Variants in LARGE1 observed in about 807,000 individuals in gnomAD.
LARGE1 encodes LARGE xylosyl- and glucuronyltransferase 1.
LARGE1 carries 43 observed loss-of-function variants against 87.6 expected under a neutral mutation model. That is an observed-to-expected ratio of 0.49 (90% CI 0.38 to 0.63). LARGE1 has a LOEUF of 0.63. LARGE1 is among the 30% of genes least tolerant of loss of function. The probability of loss-of-function intolerance (pLI) is 0.00; values close to 1 mark genes in which losing one functional copy is unlikely to be tolerated. For missense variants in LARGE1, 802 were observed against 1,000.2 expected (o/e 0.80, Z 2.67); for synonymous variants, 434 against 394.6 (o/e 1.10, Z -1.18).
intron 12 of LARGE1, among the ~76,000 whole-genome samples, chr22:33,288,888 G>T (rs1932025148): frequency 6.6e-6 from 1 of 152,104 alleles, no homozygotes; most frequent in African/African-American, 2.4e-5. Context: ...TGTTGCCCTT[G>T]TCTTGTCCAA....
chr22:33,102,926 C>G, the LARGE1 span, among the ~76,000 whole-genome samples: 1 of 152,102 alleles, frequency 6.6e-6, no homozygotes, highest in Non-Finnish European at 1.5e-5. Context: ...AAGGGAGAGT[C>G]AGAAACAGAC....
intron 2 of LARGE1, among the ~76,000 whole-genome samples, chr22:33,734,794 C>T (rs146065807): frequency 2.0e-5 from 3 of 152,156 alleles, no homozygotes; most frequent in East Asian, 3.9e-4. Flanking sequence ...CTGGGAGAGT[C>T]GGTGGTCACG....
Position 33,272,953 on chromosome 22 carries a change from G to C in LARGE1, c.*1474C>G, listed in dbSNP as rs1350345602. 2 of 154,384 alleles carry C rather than the reference G, an allele frequency of 1.3e-5. No homozygotes were observed. Among genetic ancestry groups the C allele is most frequent in the South Asian group, 4.1e-4 (2 of 4,836 alleles). The allele number at this position is 154,384 out of a possible 1,614,324, so 9.6% of individuals were successfully genotyped here. ...GCAAAAGGGGAAAAAAAAGGCTAAAGTTCAAATGATGAGAAAAATAGAATG... is the reference window on the plus strand; with the variant it reads ...GCAAAAGGGGAAAAAAAAGGCTAAACTTCAAATGATGAGAAAAATAGAATG... On this transcript the variant is annotated 3_prime_UTR_variant, in exon 15 of 15. Coordinates refer to ENST00000397394, the MANE Select transcript of LARGE1 (RefSeq NM_133642.5).
In LARGE1 at chr22:33,743,669, T is replaced by C. The variant is rs189980367; in HGVS notation, c.106+17702A>G. 4.7e-4 allele frequency among the ~76,000 whole-genome samples: 72 copies of C among 152,340 alleles called. 2 individuals are homozygous for C. Among genetic ancestry groups the C allele is most frequent in the Admixed American group, 3.1e-3 (48 of 15,302 alleles). ...CTCTATATAGAAGCCAGGCTTATTA[T>C]TGCTCTTCGATCTGACCTCCACCAC... is the stretch of plus-strand genomic sequence containing the variant. On this transcript the variant is annotated intron_variant, in intron 2 of 14. Coordinates refer to ENST00000397394, the MANE Select transcript of LARGE1 (RefSeq NM_133642.5).
intron 2 of LARGE1, among the ~76,000 whole-genome samples, chr22:33,693,483 T>C (rs759332424): frequency 2.0e-5 from 3 of 151,968 alleles, no homozygotes; most frequent in Non-Finnish European, 2.9e-5. Flanking sequence ...TTGTGTTATA[T>C]ATAATTTACC....
chr22:33,775,337 T>C (rs748292168), intron 1 of LARGE1, among the ~76,000 whole-genome samples: 2 of 152,204 alleles, frequency 1.3e-5, no homozygotes, highest in Non-Finnish European at 2.9e-5. Context: ...TACCCTGGCA[T>C]GGTCCAAATC....
At chr22:33,786,333 C>T (rs894956719) in intron 1 of LARGE1, among the ~76,000 whole-genome samples, 5 of 152,192 alleles carry the variant, frequency 3.3e-5, no homozygotes, top group African/African-American at 1.2e-4. Context: ...CAAATTGCTC[C>T]ACCAGGAGCT....
intron 7 of LARGE1, among the ~76,000 whole-genome samples, chr22:33,399,878 G>C (rs2065879881): frequency 6.6e-6 from 1 of 152,198 alleles, no homozygotes; most frequent in Non-Finnish European, 1.5e-5. Context: ...ACTGTTTGTG[G>C]TGCTTTGTTA....
chr22:33,781,229 T>G (rs572456120), intron 1 of LARGE1, among the ~76,000 whole-genome samples: 1 of 152,288 alleles, frequency 6.6e-6, no homozygotes, highest in South Asian at 2.1e-4. Context: ...CCAGGTGCTG[T>G]GGCTCACACC....
At chr22:33,300,993 G>A (rs886886316) in intron 12 of LARGE1, among the ~76,000 whole-genome samples, 3 of 152,120 alleles carry the variant, frequency 2.0e-5, no homozygotes, top group African/African-American at 7.2e-5. Context: ...TATCTTGACA[G>A]AGCTTGGGTA....
intron 1 of LARGE1, among the ~76,000 whole-genome samples, chr22:33,907,315 C>G (rs2065483065): frequency 6.6e-6 from 1 of 152,220 alleles, no homozygotes; most frequent in South Asian, 2.1e-4. Flanking sequence ...AATATTCTAA[C>G]ATAAACATGT....
intron 1 of LARGE1, among the ~76,000 whole-genome samples, chr22:33,765,156 A>AT (rs1031349185): frequency 1.3e-5 from 2 of 152,118 alleles, no homozygotes; most frequent in African/African-American, 4.8e-5. Flanking sequence ...CACTGTACGG[A>AT]TGAGAAAATT....
chr22:33,100,374 A>G, the LARGE1 span, among the ~76,000 whole-genome samples: 7 of 148,054 alleles, frequency 4.7e-5, no homozygotes, highest in African/African-American at 1.7e-4. Context: ...AAAAAAAAGT[A>G]AAAAATTAAA....
intron 1 of LARGE1, among the ~76,000 whole-genome samples, chr22:33,828,900 T>G (rs1052105210): frequency 1.6e-4 from 25 of 152,226 alleles, no homozygotes; most frequent in African/African-American, 6.0e-4. Context: ...CTATTCCCTC[T>G]CGCTGGAATG....
intron 9 of LARGE1, among the ~76,000 whole-genome samples, chr22:33,340,747 T>A (rs1939051235): frequency 6.6e-6 from 1 of 151,786 alleles, no homozygotes; most frequent in South Asian, 2.1e-4. Context: ...CTTCTTTTAG[T>A]CCTCACAATG....
At chr22:33,787,360 C>T (rs1200779330) in intron 1 of LARGE1, among the ~76,000 whole-genome samples, 1 of 152,200 alleles carries the variant, frequency 6.6e-6, no homozygotes, top group Non-Finnish European at 1.5e-5. Flanking sequence ...TTTCCCTACG[C>T]TCCTCCTACC....
chr22:33,617,589 C>T (rs533930583), intron 4 of LARGE1, among the ~76,000 whole-genome samples: 23 of 152,306 alleles, frequency 1.5e-4, no homozygotes, highest in African/African-American at 4.8e-4. Context: ...AATACACTTG[C>T]GAGCACTGCC....
At chr22:33,875,597 C>T (rs1450583205) in intron 1 of LARGE1, among the ~76,000 whole-genome samples, 1 of 152,246 alleles carries the variant, frequency 6.6e-6, no homozygotes, top group Non-Finnish European at 1.5e-5. Context: ...CCACAGCAAC[C>T]AACAGGCAGC....
chr22:33,203,233 C>G (rs1602087703), intron 11 of LARGE1, among the ~76,000 whole-genome samples: 1 of 152,018 alleles, frequency 6.6e-6, no homozygotes, highest in Non-Finnish European at 1.5e-5. Flanking sequence ...CCTCCCCAAA[C>G]AAAACTAGAT....
Sources: gnomAD v4.1 joint callset for allele counts (sites outside exome capture counted in the v4.1 genomes callset) on GRCh38, gnomAD v4.1.1 for gene constraint, MANE v1.5 for transcripts, NCBI Gene and HGNC (gene_info 2026-07-23, HGNC 2026-07-21) for gene names.